DLG2: variants seen among roughly 807,000 people sequenced by gnomAD.
The protein encoded by DLG2 is disks large homolog 2.
In DLG2, 45 loss-of-function variants were observed where a neutral mutation model predicts 132.5. The observed-to-expected ratio is 0.34, with a 90% CI of 0.27 to 0.44. The LOEUF (loss-of-function observed/expected upper bound fraction) is 0.44. Ranked by LOEUF, DLG2 falls within the 20% of genes least tolerant of loss-of-function variation. The probability of loss-of-function intolerance (pLI) is 1.00; values close to 1 mark genes in which losing one functional copy is unlikely to be tolerated. For synonymous variants in DLG2, 424 were observed against 419.6 expected (o/e 1.01, Z -0.13); for missense variants, 1,045 against 1,196.9 (o/e 0.87, Z 1.87).
At chr11:84,828,134 T>C (rs2078572958) in intron 6 of DLG2, among the ~76,000 whole-genome samples, 1 of 151,626 alleles carries the variant, frequency 6.6e-6, no homozygotes, top group African/African-American at 2.4e-5. Flanking sequence ...CTGAGAATAA[T>C]GGTGGGCTCC....
At chr11:84,404,362 G>A (rs968735935) in intron 7 of DLG2, among the ~76,000 whole-genome samples, 2 of 151,770 alleles carry the variant, frequency 1.3e-5, no homozygotes, top group Non-Finnish European at 2.9e-5. Context: ...TTCAAAACTC[G>A]ACTCAAATAC....
chr11:84,830,455 A>G (rs564200270), intron 6 of DLG2, among the ~76,000 whole-genome samples: 16 of 151,184 alleles, frequency 1.1e-4, no homozygotes, highest in African/African-American at 3.6e-4. Flanking sequence ...GTGAAGTGAG[A>G]AAGAGTGAAA....
chr11:84,039,976 A>T (rs1468733656), intron 11 of DLG2, among the ~76,000 whole-genome samples: 2 of 149,324 alleles, frequency 1.3e-5, no homozygotes, highest in Non-Finnish European at 3.0e-5. Flanking sequence ...GCCAGTGATG[A>T]TGAGCATTTT....
At chr11:84,544,807 G>A (rs2099386337) in intron 6 of DLG2, among the ~76,000 whole-genome samples, 1 of 152,130 alleles carries the variant, frequency 6.6e-6, no homozygotes, top group South Asian at 2.1e-4. Flanking sequence ...CAAGAACTTG[G>A]TACTCTGCAG....
chr11:84,171,384 C>T (rs1016494051), intron 8 of DLG2, among the ~76,000 whole-genome samples: 36 of 152,106 alleles, frequency 2.4e-4, no homozygotes, highest in Admixed American at 2.4e-3. Flanking sequence ...TTTCTTATCC[C>T]TCATTCCATT....
chr11:84,566,496 A>T (rs1265670228), intron 6 of DLG2, among the ~76,000 whole-genome samples: 1 of 152,174 alleles, frequency 6.6e-6, no homozygotes, highest in African/African-American at 2.4e-5. Context: ...CTACCTGGTG[A>T]CTTGCAACAC....
chr11:85,419,424 G>T (rs1011168003), intron 3 of DLG2, among the ~76,000 whole-genome samples: 1 of 152,202 alleles, frequency 6.6e-6, no homozygotes, highest in Non-Finnish European at 1.5e-5. Flanking sequence ...TTCTTGAGGA[G>T]TATCTTTGTG....
chr11:85,585,806 C>A (rs190796108), intron 3 of DLG2, among the ~76,000 whole-genome samples: 296 of 152,166 alleles, frequency 1.9e-3, no homozygotes, highest in Non-Finnish European at 3.3e-3. Flanking sequence ...CTCTGCCTCC[C>A]AGGTTCAAGC....
chr11:85,451,614 A>G (rs1565508973), intron 3 of DLG2, among the ~76,000 whole-genome samples: 1 of 152,218 alleles, frequency 6.6e-6, no homozygotes, highest in Non-Finnish European at 1.5e-5. Context: ...TTAAATAAGG[A>G]TAGTAAAAAT....
At chr11:85,499,103 C>T (rs1565590057) in intron 3 of DLG2, among the ~76,000 whole-genome samples, 1 of 151,988 alleles carries the variant, frequency 6.6e-6, no homozygotes, top group East Asian at 1.9e-4. Context: ...AAGATCAGAG[C>T]AGAACTGTAG....
At chr11:84,510,093 A>G (rs2099252930) in intron 7 of DLG2, among the ~76,000 whole-genome samples, 1 of 109,262 alleles carries the variant, frequency 9.2e-6, no homozygotes, top group African/African-American at 3.6e-5. Context: ...GTAAGAGTTC[A>G]CTTATTATTA....
intron 11 of DLG2, among the ~76,000 whole-genome samples, chr11:84,009,911 A>G (rs1384526653): frequency 6.6e-6 from 1 of 152,108 alleles, no homozygotes; most frequent in African/African-American, 2.4e-5. Flanking sequence ...CTTAAGGTCA[A>G]TGATTTAACA....
At chr11:85,199,567 T>C (rs2081300266) in intron 4 of DLG2, among the ~76,000 whole-genome samples, 1 of 152,218 alleles carries the variant, frequency 6.6e-6, no homozygotes, top group African/African-American at 2.4e-5. Context: ...ATATTCTAAA[T>C]ATTAATTCTG....
At chr11:84,317,026 G>T in intron 7 of DLG2, 1 of 1,612,848 alleles carries the variant, frequency 6.2e-7, no homozygotes, top group Non-Finnish European at 8.5e-7. Flanking sequence ...GCCCCTGACA[G>T]TTCCTCTGCC....
intron 6 of DLG2, among the ~76,000 whole-genome samples, chr11:84,735,617 T>G (rs191751276): frequency 1.1e-3 from 163 of 152,234 alleles, no homozygotes; most frequent in African/African-American, 3.8e-3. Context: ...TTTGAAGGAT[T>G]TTTTTCGTCT....
intron 11 of DLG2, among the ~76,000 whole-genome samples, chr11:83,984,547 G>A (rs564081408): frequency 6.6e-5 from 10 of 152,148 alleles, no homozygotes; most frequent in African/African-American, 2.4e-4. Flanking sequence ...ATCTATCTGT[G>A]CTATAAGATT....
intron 21 of DLG2, among the ~76,000 whole-genome samples, chr11:83,518,142 G>A (rs888016054): frequency 6.6e-6 from 1 of 152,222 alleles, no homozygotes; most frequent in African/African-American, 2.4e-5. Context: ...AGGCAGGCAG[G>A]CCTCCTTGAG....
intron 5 of DLG2, among the ~76,000 whole-genome samples, chr11:85,131,816 A>T (rs1227720009): frequency 6.6e-6 from 1 of 151,588 alleles, no homozygotes; most frequent in Non-Finnish European, 1.5e-5. Flanking sequence ...GTAAAAGGAG[A>T]TCACAATGGG....
intron 3 of DLG2, among the ~76,000 whole-genome samples, chr11:85,357,512 C>T (rs2083800594): frequency 6.9e-6 from 1 of 145,642 alleles, no homozygotes; most frequent in Non-Finnish European, 1.5e-5. Context: ...GGAGGTGGCA[C>T]TGTTGTAATT....
Sources: allele counts gnomAD v4.1 joint callset (sites outside exome capture counted in the v4.1 genomes callset), GRCh38; gene constraint gnomAD v4.1.1; transcripts MANE v1.5; gene names NCBI Gene and HGNC (gene_info 2026-07-23, HGNC 2026-07-21).